Variants in CNTNAP2 observed in about 807,000 individuals in gnomAD.
The protein encoded by CNTNAP2 is contactin associated protein 2, also known as contactin-associated protein-like 2.
A neutral mutation model predicts 155.2 loss-of-function variants in CNTNAP2; 98 were observed. The observed-to-expected ratio is 0.63, with a 90% CI of 0.54 to 0.75. CNTNAP2 has a LOEUF of 0.75. Among genes scored for constraint, CNTNAP2 ranks in the 30% least tolerant of loss-of-function variants. The pLI is 0.00. For missense variants in CNTNAP2, 1,727 were observed against 1,688.1 expected (o/e 1.02, Z -0.40); for synonymous variants, 651 against 631.2 (o/e 1.03, Z -0.47).
At chr7:147,800,070 GATA>G (rs1797959430) in intron 13 of CNTNAP2, among the ~76,000 whole-genome samples, 2 of 152,124 alleles carry the variant, frequency 1.3e-5, no homozygotes, top group South Asian at 2.1e-4. Context: ...AATTAAATAA[GATA>G]ATAATATAAG....
At chr7:147,805,732 T>A (rs1798080777) in intron 13 of CNTNAP2, among the ~76,000 whole-genome samples, 1 of 152,262 alleles carries the variant, frequency 6.6e-6, no homozygotes, top group Non-Finnish European at 1.5e-5. Context: ...TCACTTTTAC[T>A]GATTTGCATT....
intron 13 of CNTNAP2, among the ~76,000 whole-genome samples, chr7:147,852,184 G>T (rs1212939772): frequency 6.6e-6 from 1 of 152,118 alleles, no homozygotes; most frequent in African/African-American, 2.4e-5. Flanking sequence ...CATGAATTAT[G>T]TAGTTAATTA....
chr7:148,152,544 C>G (rs1460727748), intron 17 of CNTNAP2, among the ~76,000 whole-genome samples: 2 of 152,158 alleles, frequency 1.3e-5, no homozygotes, highest in African/African-American at 4.8e-5. Context: ...AATCTTGTGA[C>G]CTCCGGCCAC....
chr7:147,995,953 G>A (rs1385778812), intron 15 of CNTNAP2, among the ~76,000 whole-genome samples: 1 of 152,232 alleles, frequency 6.6e-6, no homozygotes. Flanking sequence ...GCAAAGTCCA[G>A]TGAAAATGCA....
intron 12 of CNTNAP2, among the ~76,000 whole-genome samples, chr7:147,600,545 C>A (rs1293371659): frequency 6.6e-6 from 1 of 152,152 alleles, no homozygotes; most frequent in African/African-American, 2.4e-5. Context: ...ATTTCCCATC[C>A]ATTTAAACCT....
chr7:147,736,411 C>T (rs943498715), intron 13 of CNTNAP2, among the ~76,000 whole-genome samples: 1 of 152,176 alleles, frequency 6.6e-6, no homozygotes, highest in African/African-American at 2.4e-5. Flanking sequence ...TGATGGGCTT[C>T]CCTTTGTGGG....
chr7:146,770,979 A>G (rs146538333), intron 1 of CNTNAP2, among the ~76,000 whole-genome samples: 94 of 152,214 alleles, frequency 6.2e-4, no homozygotes, highest in African/African-American at 2.2e-3. Context: ...AATTTCTCCT[A>G]GCATGATCCT....
intron 13 of CNTNAP2, among the ~76,000 whole-genome samples, chr7:147,681,389 G>C (rs553862548): frequency 6.6e-6 from 1 of 151,978 alleles, no homozygotes; most frequent in East Asian, 1.9e-4. Context: ...TGGGGTGTAA[G>C]ACCCCAAATA....
At chr7:146,691,613 G>GT (rs548910533) in intron 1 of CNTNAP2, among the ~76,000 whole-genome samples, 1 of 152,020 alleles carries the variant, frequency 6.6e-6, no homozygotes, top group African/African-American at 2.4e-5. Flanking sequence ...GCAAATAATC[G>GT]TAAGTCAGGG....
chr7:146,396,885 T>G (rs1795636098), intron 1 of CNTNAP2, among the ~76,000 whole-genome samples: 1 of 152,094 alleles, frequency 6.6e-6, no homozygotes, highest in Non-Finnish European at 1.5e-5. Context: ...ACTTGTAAAA[T>G]ATTCCTTTGA....
chr7:146,393,743 AT>A (rs59269333), intron 1 of CNTNAP2, among the ~76,000 whole-genome samples: 20,225 of 147,448 alleles, frequency 0.14, 1,646 homozygotes, highest in African/African-American at 0.24. Context: ...CCATTTAATC[AT>A]TTTTTTTTTC....
intron 1 of CNTNAP2, among the ~76,000 whole-genome samples, chr7:146,285,947 CT>C (rs1223681058): frequency 2.8e-5 from 1 of 36,164 alleles, no homozygotes; most frequent in African/African-American, 1.6e-4. Context: ...TCCCCTCCCC[CT>C]TTTCCTTCCT....
intron 15 of CNTNAP2, among the ~76,000 whole-genome samples, chr7:148,002,138 G>T (rs1000733295): frequency 5.3e-5 from 8 of 152,246 alleles, no homozygotes; most frequent in African/African-American, 1.7e-4. Context: ...ATTATTATGA[G>T]AAAAGCAGAA....
At chr7:147,553,044 A>G (rs995619484) in intron 11 of CNTNAP2, among the ~76,000 whole-genome samples, 2 of 152,212 alleles carry the variant, frequency 1.3e-5, no homozygotes, top group African/African-American at 4.8e-5. Context: ...GACAATGTCT[A>G]CTAAACTCCT....
At chr7:147,252,245 G>C (rs1055869096) in intron 8 of CNTNAP2, among the ~76,000 whole-genome samples, 1 of 152,160 alleles carries the variant, frequency 6.6e-6, no homozygotes, top group Non-Finnish European at 1.5e-5. Flanking sequence ...ATGGATTAAA[G>C]ATGTAGGCAA....
chr7:146,749,630 A>G (rs779707354), intron 1 of CNTNAP2, among the ~76,000 whole-genome samples: 4 of 152,350 alleles, frequency 2.6e-5, no homozygotes, highest in African/African-American at 9.6e-5. Context: ...ACTATTAGAC[A>G]TCAACTAAAG....
At chr7:147,387,778 A>G (rs1198768825) in intron 9 of CNTNAP2, among the ~76,000 whole-genome samples, 2 of 152,296 alleles carry the variant, frequency 1.3e-5, no homozygotes, top group East Asian at 3.9e-4. Context: ...TTGTGCTATC[A>G]TATAGTAGGT....
chr7:146,516,930 T>C (rs1214243098), intron 1 of CNTNAP2, among the ~76,000 whole-genome samples: 1 of 152,048 alleles, frequency 6.6e-6, no homozygotes, highest in East Asian at 1.9e-4. Flanking sequence ...TCTTCAAAAA[T>C]TGATACATAT....
intron 8 of CNTNAP2, among the ~76,000 whole-genome samples, chr7:147,299,656 G>A (rs950642751): frequency 5.9e-5 from 9 of 152,058 alleles, no homozygotes; most frequent in Non-Finnish European, 1.2e-4. Flanking sequence ...TAAAAACAAA[G>A]ACAGACTTTA....
Sources: allele counts gnomAD v4.1 joint callset (sites outside exome capture counted in the v4.1 genomes callset), GRCh38; gene constraint gnomAD v4.1.1; transcripts MANE v1.5; gene names NCBI Gene and HGNC (gene_info 2026-07-23, HGNC 2026-07-21).